The following SIPA1L3 variants were observed in gnomAD, a reference collection of about 807,000 sequenced individuals.
The protein encoded by SIPA1L3 is signal-induced proliferation-associated 1-like protein 3.
Under a neutral mutation model 150.1 loss-of-function variants are expected in SIPA1L3, and 59 were observed. That is an observed-to-expected ratio of 0.39 (90% CI 0.32 to 0.49). SIPA1L3 has a LOEUF of 0.49. Among genes scored for constraint, SIPA1L3 ranks in the 20% least tolerant of loss-of-function variants. SIPA1L3 has a pLI of 0.86. For synonymous variants in SIPA1L3, 1,070 were observed against 1,077.6 expected, an observed-to-expected ratio of 0.99 and a Z score of 0.14; for missense variants, 2,211 against 2,489.5, an observed-to-expected ratio of 0.89 and a Z score of 2.38.
At chr19:38,076,311 TACAC>T (rs891966146) in intron 2 of SIPA1L3, among the ~76,000 whole-genome samples, 19 of 152,086 alleles carry the variant, frequency 1.2e-4, no homozygotes, top group South Asian at 8.3e-4. Flanking sequence ...TATCAAAACT[TACAC>T]ACACACAAAC....
chr19:38,092,268 A>G (rs1970276993), intron 4 of SIPA1L3, among the ~76,000 whole-genome samples: 1 of 152,134 alleles, frequency 6.6e-6, no homozygotes, highest in Non-Finnish European at 1.5e-5. Flanking sequence ...CCTAATGTAA[A>G]TGACAAGTTA....
At chr19:38,196,451 A>C (rs1437118561) in intron 18 of SIPA1L3, among the ~76,000 whole-genome samples, 10 of 145,294 alleles carry the variant, frequency 6.9e-5, no homozygotes, top group African/African-American at 2.7e-4. Context: ...AAGGAGGTCA[A>C]GGGCGGAGTG....
rs189347433 is a variant in SIPA1L3 at position 37,919,234 on chromosome 19, A to G, written c.-379+11876A>G. 2.1e-4 allele frequency among the ~76,000 whole-genome samples: 32 copies of G among 152,272 alleles called. No homozygotes were observed. The East Asian group carries it at 5.2e-3, about 25-fold the overall frequency. On this transcript the variant is annotated intron_variant, in intron 1 of 21. Coordinates refer to ENST00000222345, the MANE Select transcript of SIPA1L3 (RefSeq NM_015073.3). Reference sequence around the variant, plus strand: ...ATTCTCAGCTTGTTCCTGTCCCCAGATGGTGCTCACCACACTTATCTCCAA... The same window carrying G: ...ATTCTCAGCTTGTTCCTGTCCCCAGGTGGTGCTCACCACACTTATCTCCAA...
chr19:37,921,354 C>T (rs1361713203), intron 1 of SIPA1L3, among the ~76,000 whole-genome samples: 1 of 152,150 alleles, frequency 6.6e-6, no homozygotes, highest in Non-Finnish European at 1.5e-5. Flanking sequence ...CGTTTGGGGG[C>T]TTCTCCTGAT....
rs1239098390 is a variant in SIPA1L3 at position 38,187,128 on chromosome 19, A to G, written c.4430+4388A>G. Among the ~76,000 whole-genome samples the G allele has an allele frequency of 5.3e-5, 8 of 151,650 alleles. No homozygotes were observed. In the East Asian group the frequency reaches 5.9e-4, roughly 11 times the overall value. ...CTGGGAGTTGGAAGCCAGCCTGGGC[A>G]ACAACATAGTGAGGTCCCACCTGCA... On this transcript the variant is annotated intron_variant, in intron 16 of 21. Transcript: ENST00000222345.
rs1446983907 is a variant in SIPA1L3, at chr19:38,106,610, G to A, written c.2103G>A (p.Leu701=). ...AGATCATGTTCCATGTCTCCACCCT[G>A]CTCCCTTACACCCCCAACAACAGGC... is the stretch of plus-strand genomic sequence containing the variant. ...DYEIMFHVST[L]LPYTPNNRQQ... is the part of the protein sequence containing the mutation. Residue 701 remains leucine, a synonymous_variant, in exon 7 of 22, where the codon CTG becomes CTA. Transcript: ENST00000222345. The A allele has an allele frequency of 2.5e-6, 4 of 1,613,626 alleles. No homozygotes were observed. Among genetic ancestry groups the A allele is most frequent in the Non-Finnish European group, 3.4e-6 (4 of 1,179,674 alleles).
intron 1 of SIPA1L3, among the ~76,000 whole-genome samples, chr19:37,924,469 A>G (rs1183916947): frequency 6.6e-6 from 1 of 151,590 alleles, no homozygotes; most frequent in Non-Finnish European, 1.5e-5. Flanking sequence ...ATAACAATAA[A>G]AAGTATATAT....
intron 2 of SIPA1L3, among the ~76,000 whole-genome samples, chr19:38,065,796 G>A (rs903543827): frequency 1.3e-5 from 2 of 151,902 alleles, no homozygotes; most frequent in Non-Finnish European, 2.9e-5. Flanking sequence ...TTGGGGCTGC[G>A]TGGGCATCTT....
At chr19:38,146,615 T>A (rs1971708412) in intron 12 of SIPA1L3, among the ~76,000 whole-genome samples, 1 of 152,136 alleles carries the variant, frequency 6.6e-6, no homozygotes, top group African/African-American at 2.4e-5. Flanking sequence ...GGTAAGTCCA[T>A]TTTTAGTTTG....
At chr19:38,053,333 C>G (rs1969240700) in intron 2 of SIPA1L3, among the ~76,000 whole-genome samples, 2 of 152,232 alleles carry the variant, frequency 1.3e-5, no homozygotes, top group African/African-American at 4.8e-5. Flanking sequence ...CACTTATTCA[C>G]TTAGTTAATT....
At chr19:38,045,143 C>T (rs1969025044) in intron 2 of SIPA1L3, among the ~76,000 whole-genome samples, 1 of 152,048 alleles carries the variant, frequency 6.6e-6, no homozygotes, top group South Asian at 2.1e-4. Flanking sequence ...TTCGGGAAGC[C>T]AAGATGGGCA....
intron 13 of SIPA1L3, among the ~76,000 whole-genome samples, chr19:38,161,381 A>G (rs912940496): frequency 6.6e-6 from 1 of 151,364 alleles, no homozygotes; most frequent in Non-Finnish European, 1.5e-5. Flanking sequence ...TACAACCAAC[A>G]AAGGATTGCT....
chr19:38,151,575 C>T (rs188327410), intron 12 of SIPA1L3, among the ~76,000 whole-genome samples: 6 of 152,296 alleles, frequency 3.9e-5, no homozygotes, highest in Admixed American at 1.3e-4. Context: ...GAACCAACCT[C>T]AGACAGGGAG....
chr19:38,070,241 G>A (rs1452660606), intron 2 of SIPA1L3, among the ~76,000 whole-genome samples: 1 of 114,746 alleles, frequency 8.7e-6, no homozygotes, highest in South Asian at 2.5e-4. Flanking sequence ...ACAGGGTCTT[G>A]CTCTGTCACC....
At chr19:38,198,115 C>T (rs1020131121) in intron 18 of SIPA1L3, among the ~76,000 whole-genome samples, 1 of 152,310 alleles carries the variant, frequency 6.6e-6, no homozygotes, top group Middle Eastern at 3.4e-3. Flanking sequence ...ACTGGCTGTT[C>T]CGTCTGCCTG....
intron 15 of SIPA1L3, among the ~76,000 whole-genome samples, chr19:38,177,558 T>C (rs911844678): frequency 6.6e-6 from 1 of 152,112 alleles, no homozygotes; most frequent in Non-Finnish European, 1.5e-5. Flanking sequence ...TCTACTTTAT[T>C]TCTTTTTTTC....
At chr19:37,965,606 T>A (rs1725490) in intron 1 of SIPA1L3, among the ~76,000 whole-genome samples, 6,261 of 152,110 alleles carry the variant, frequency 0.041, 172 homozygotes, top group East Asian at 0.11. Context: ...GAGCCACTGC[T>A]CTGGGCCTGG....
chr19:38,038,459 G>A (rs754115302), intron 2 of SIPA1L3, among the ~76,000 whole-genome samples: 3 of 152,050 alleles, frequency 2.0e-5, no homozygotes, highest in Non-Finnish European at 4.4e-5. Flanking sequence ...GCATGGTGGT[G>A]GGCGCCTGTA....
rs1969062991 is a variant in SIPA1L3 at position 38,046,572 on chromosome 19, A to G, written c.-311+17416A>G. ...GTGTCTCCTGGGCATGGCACAGGAA[A>G]TGACTCCTTCATAGGCTGAGAGTTT... On this transcript the variant is annotated intron_variant, in intron 2 of 21. Coordinates refer to ENST00000222345, the MANE Select transcript of SIPA1L3 (RefSeq NM_015073.3). This position sits in a 1 kb window ranked among gnomAD's most constrained non-coding sequence, Gnocchi z 5.6. 6.6e-6 allele frequency among the ~76,000 whole-genome samples: 1 copy of G among 152,062 alleles called. No individual in the cohort carries two copies. The highest frequency in any genetic ancestry group is 1.5e-5 in the Non-Finnish European group (1 of 68,000).
Sources: allele counts gnomAD v4.1 joint callset (sites outside exome capture counted in the v4.1 genomes callset), GRCh38; gene constraint gnomAD v4.1.1; non-coding constraint Gnocchi (gnomAD v3.1); transcripts MANE v1.5; gene names NCBI Gene and HGNC (gene_info 2026-07-23, HGNC 2026-07-21).